Variants in FAAH2 observed in about 807,000 individuals in gnomAD.
The protein encoded by FAAH2 is fatty acid amide hydrolase 2, also known as fatty-acid amide hydrolase 2.
A neutral mutation model predicts 36.9 loss-of-function variants in FAAH2; 60 were observed. The observed-to-expected ratio is 1.63, with a 90% CI of 1.32 to 2.02. The LOEUF (loss-of-function observed/expected upper bound fraction) is 2.02. Among genes scored for constraint, FAAH2 ranks in the 30% most tolerant of loss-of-function variants. The pLI is 0.00. For missense variants in FAAH2, 689 were observed against 397.5 expected, an observed-to-expected ratio of 1.73 and a Z score of -6.23; for synonymous variants, 214 against 143.8, an observed-to-expected ratio of 1.49 and a Z score of -3.49.
chrX:57,204,914 A>G, the FAAH2 span, among the ~76,000 whole-genome samples: 1 of 112,519 alleles, frequency 8.9e-6, no homozygotes, highest in Admixed American at 9.4e-5. Flanking sequence ...TTCCATATAA[A>G]GAAAAATGTA....
At chrX:57,305,056 G>T (rs1027132252) in intron 2 of FAAH2, among the ~76,000 whole-genome samples, 1 of 48,453 alleles carries the variant, frequency 2.1e-5, no homozygotes, top group African/African-American at 4.7e-5. Context: ...GTGTGATTCT[G>T]TAATTTTGTG....
chrX:57,185,489 T>TGTGTGTGTGTGC, the FAAH2 span, among the ~76,000 whole-genome samples: 47 of 60,551 alleles, frequency 7.8e-4, 1 homozygote, highest in African/African-American at 3.8e-3. Context: ...TCTCTGTCTC[T>TGTGTGTGTGTGC]GTGTGTGTGT....
chrX:57,194,575 G>A, the FAAH2 span, among the ~76,000 whole-genome samples: 2 of 110,145 alleles, frequency 1.8e-5, no homozygotes, highest in African/African-American at 6.6e-5. Context: ...ATTTTATTAA[G>A]ATTTATTTAT....
chrX:57,260,417 C>T, the FAAH2 span, among the ~76,000 whole-genome samples: 2 of 112,040 alleles, frequency 1.8e-5, no homozygotes, highest in Non-Finnish European at 3.8e-5. Context: ...CAAAACTTAA[C>T]TTGAACTGAG....
At chrX:57,342,742 T>TG (rs1022294669) in intron 5 of FAAH2, among the ~76,000 whole-genome samples, 6 of 110,807 alleles carry the variant, frequency 5.4e-5, no homozygotes, top group African/African-American at 2.0e-4. Flanking sequence ...ACACAGTCCC[T>TG]GATAGGTAGT....
At chrX:57,220,105 C>G in the FAAH2 span, among the ~76,000 whole-genome samples, 1 of 108,467 alleles carries the variant, frequency 9.2e-6, no homozygotes, top group African/African-American at 3.4e-5. Context: ...TCCATTCTAG[C>G]CGCCCTAATC....
the FAAH2 span, among the ~76,000 whole-genome samples, chrX:57,185,958 G>A: frequency 4.9e-4 from 55 of 111,628 alleles, no homozygotes; most frequent in African/African-American, 1.8e-3. Context: ...CCTTTATCTA[G>A]TCTATCATTG....
intron 4 of FAAH2, among the ~76,000 whole-genome samples, chrX:57,340,645 C>T (rs1402257309): frequency 1.8e-5 from 2 of 111,553 alleles, no homozygotes; most frequent in East Asian, 5.6e-4. Context: ...TTTGCAGGGA[C>T]ATGGATGGAG....
chrX:57,237,370 A>G, the FAAH2 span, among the ~76,000 whole-genome samples: 3 of 111,418 alleles, frequency 2.7e-5, no homozygotes, highest in Middle Eastern at 4.7e-3. Context: ...AAATATTACA[A>G]TCATACTAAC....
At chrX:57,356,307 T>C (rs1215833891) in intron 5 of FAAH2, among the ~76,000 whole-genome samples, 6 of 110,905 alleles carry the variant, frequency 5.4e-5, no homozygotes, top group Non-Finnish European at 9.5e-5. Context: ...TATTCAATTT[T>C]TGGATGAATT....
At chrX:57,425,910 G>A (rs776307983) in intron 7 of FAAH2, among the ~76,000 whole-genome samples, 13 of 112,016 alleles carry the variant, frequency 1.2e-4, no homozygotes, top group Non-Finnish European at 1.5e-4. Context: ...TGGCAGAATA[G>A]ATGTTAAAAA....
the FAAH2 span, among the ~76,000 whole-genome samples, chrX:57,262,990 C>A: frequency 9.0e-6 from 1 of 111,397 alleles, no homozygotes; most frequent in Non-Finnish European, 1.9e-5. Flanking sequence ...AAGAATACTA[C>A]AGCTCACATC....
the FAAH2 span, among the ~76,000 whole-genome samples, chrX:57,235,029 C>A: frequency 9.0e-6 from 1 of 111,517 alleles, no homozygotes; most frequent in Non-Finnish European, 1.9e-5. Context: ...CAGAGCAAGA[C>A]TCTGTCTCCA....
the FAAH2 span, among the ~76,000 whole-genome samples, chrX:57,251,375 C>G: frequency 1.8e-5 from 2 of 111,382 alleles, no homozygotes; most frequent in African/African-American, 6.5e-5. Context: ...GCCATATACC[C>G]CAAGTCAACA....
intron 3 of FAAH2, among the ~76,000 whole-genome samples, chrX:57,311,817 T>C (rs2052702572): frequency 1.8e-5 from 2 of 111,994 alleles, no homozygotes; most frequent in Admixed American, 1.9e-4. Context: ...TGGAGCATAT[T>C]GGATCCCCTA....
chrX:57,358,127 G>A (rs2054204113), intron 5 of FAAH2, among the ~76,000 whole-genome samples: 1 of 108,150 alleles, frequency 9.2e-6, no homozygotes, highest in Non-Finnish European at 1.9e-5. Flanking sequence ...GTCCCTTGAG[G>A]TGAAAAGTTA....
the FAAH2 span, among the ~76,000 whole-genome samples, chrX:57,177,097 G>A: frequency 1.8e-5 from 2 of 111,268 alleles, no homozygotes; most frequent in Admixed American, 1.9e-4. Flanking sequence ...AGGAAAAACT[G>A]GCTGTGACTA....
the FAAH2 span, among the ~76,000 whole-genome samples, chrX:57,268,883 C>T: frequency 9.0e-6 from 1 of 111,499 alleles, no homozygotes; most frequent in Non-Finnish European, 1.9e-5. Flanking sequence ...CAAATCCACA[C>T]ATATCAATAC....
the FAAH2 span, among the ~76,000 whole-genome samples, chrX:57,160,872 T>A: frequency 8.9e-6 from 1 of 112,254 alleles, no homozygotes; most frequent in Non-Finnish European, 1.9e-5. Flanking sequence ...AGTTCTGCTC[T>A]GATCTTAGTT....
Sources: gnomAD v4.1 joint callset for allele counts (sites outside exome capture counted in the v4.1 genomes callset) on GRCh38, gnomAD v4.1.1 for gene constraint, MANE v1.5 for transcripts, NCBI Gene and HGNC (gene_info 2026-07-23, HGNC 2026-07-21) for gene names.